Variants in SLC13A4 observed in about 807,000 individuals in gnomAD.
SLC13A4 encodes the protein solute carrier family 13 member 4, also known as Na(+)/sulfate cotransporter SUT-1.
SLC13A4 carries 28 observed loss-of-function variants against 72.7 expected under a neutral mutation model. The observed-to-expected ratio is 0.39, with a 90% CI of 0.29 to 0.53. SLC13A4 has a LOEUF of 0.53. Among genes scored for constraint, SLC13A4 ranks in the 20% least tolerant of loss-of-function variants. The probability of loss-of-function intolerance (pLI) is 0.78; values close to 1 mark genes in which losing one functional copy is unlikely to be tolerated. For synonymous variants in SLC13A4, 312 were observed against 325.5 expected (o/e 0.96, Z 0.45); for missense variants, 653 against 788.0 (o/e 0.83, Z 2.05).
chr7:135,708,149 C>A lies in SLC13A4; in HGVS notation c.330G>T (p.Leu110=), dbSNP rs1212738714. 1.2e-6 allele frequency: 2 copies of A among 1,614,212 alleles called. No individual in the cohort carries two copies. The highest frequency in any genetic ancestry group is 2.2e-5 in the South Asian group (2 of 91,082). ...TGGCTCCGGCCATCAAGACCATGCG[C>A]AGAGCAATGCGCTTATGCAGGTTCC... ...EKWNLHKRIA[L]RMVLMAGAKP... The change falls in exon 3 of 16, where the codon CTG becomes CTT. Residue 110 remains leucine, a synonymous_variant. Transcript: ENST00000682651.
chr7:135,700,626 G>A (rs187664336), intron 7 of SLC13A4, among the ~76,000 whole-genome samples: 74 of 152,268 alleles, frequency 4.9e-4, no homozygotes, highest in Non-Finnish European at 7.8e-4. Flanking sequence ...ACACAGAATA[G>A]TTTAAGTGTA....
intron 2 of SLC13A4, among the ~76,000 whole-genome samples, chr7:135,716,303 A>T (rs553387453): frequency 9.9e-5 from 15 of 152,158 alleles, no homozygotes; most frequent in Admixed American, 4.6e-4. Flanking sequence ...ATTAATTTTT[A>T]AAATTAAAAA....
intron 1 of SLC13A4, among the ~76,000 whole-genome samples, chr7:135,724,339 A>G (rs1444196904): frequency 6.6e-6 from 1 of 151,980 alleles, no homozygotes; most frequent in Non-Finnish European, 1.5e-5. Flanking sequence ...TATTAAAAAT[A>G]CAAAAAATTC....
At chr7:135,695,652 C>T (rs532497641) in intron 8 of SLC13A4, among the ~76,000 whole-genome samples, 165 bp from the exon 9 acceptor site, 1 of 152,032 alleles carries the variant, frequency 6.6e-6, no homozygotes, top group African/African-American at 2.4e-5. Context: ...TTGACAGTTG[C>T]AATTGTACAG....
In SLC13A4 at chr7:135,721,470, C is replaced by T. The variant is rs1338644916; in HGVS notation, c.153G>A (p.Glu51=). 3 of 1,614,148 alleles carry T rather than the reference C, an allele frequency of 1.9e-6. No individual in the cohort carries two copies. In the Admixed American group the frequency reaches 5.0e-5, roughly 27 times the overall value. Residue 51 remains glutamate (E), a synonymous_variant, in exon 2 of 16, where the codon GAG becomes GAA. Coordinates refer to ENST00000682651, the MANE Select transcript of SLC13A4 (RefSeq NM_001318192.2). The part of the protein sequence containing the change: ...LIVTAVYWVS[E]AVPLGAAALV... ...GGGCTGCAGCTCCCAGAGGCACTGC[C>T]TCCGACACCCAGTACACAGCAGTCA...
At chr7:135,719,799 G>GTGTGTGTA (rs1343683916) in intron 2 of SLC13A4, among the ~76,000 whole-genome samples, 1 of 139,160 alleles carries the variant, frequency 7.2e-6, no homozygotes, top group Admixed American at 6.8e-5. Flanking sequence ...GTGTGTGTGT[G>GTGTGTGTA]TGTATGTGTG....
chr7:135,719,807 G>A (rs57581343), intron 2 of SLC13A4, among the ~76,000 whole-genome samples: 65 of 128,370 alleles, frequency 5.1e-4, no homozygotes, highest in Admixed American at 1.8e-3. Context: ...GTGTGTATGT[G>A]TGTGTGTGTG....
intron 15 of SLC13A4, chr7:135,683,258 C>T (rs1584712236): frequency 1.7e-6 from 1 of 584,356 alleles, no homozygotes; most frequent in African/African-American, 2.3e-5. Flanking sequence ...GAGATCGCAC[C>T]ACTGAACTCC....
chr7:135,683,488 G>T (rs3110792), intron 15 of SLC13A4: 24 of 973,316 alleles, frequency 2.5e-5, no homozygotes, highest in Admixed American at 6.2e-5. Flanking sequence ...CTCCCCCCCC[G>T]CTCAGCCCTG....
At chr7:135,716,110 T>C (rs569558468) in intron 2 of SLC13A4, among the ~76,000 whole-genome samples, 29 of 152,232 alleles carry the variant, frequency 1.9e-4, no homozygotes, top group African/African-American at 7.0e-4. Flanking sequence ...CTGGTTCTGG[T>C]GTGACGCTTT....
intron 7 of SLC13A4, among the ~76,000 whole-genome samples, chr7:135,700,308 CA>C (rs1352284702): frequency 6.6e-6 from 1 of 152,176 alleles, no homozygotes; most frequent in Non-Finnish European, 1.5e-5. Flanking sequence ...ACTCTGGTCT[CA>C]AGTGTTTCCT....
At chr7:135,708,660 T>C (rs1399666395) in intron 2 of SLC13A4, among the ~76,000 whole-genome samples, 2 of 152,150 alleles carry the variant, frequency 1.3e-5, no homozygotes, top group Admixed American at 6.5e-5. Flanking sequence ...TTTTAGAAAA[T>C]ATTAGAAAAT....
At chr7:135,710,175 G>A (rs1342064711) in intron 2 of SLC13A4, among the ~76,000 whole-genome samples, 1 of 152,072 alleles carries the variant, frequency 6.6e-6, no homozygotes, top group Non-Finnish European at 1.5e-5. Context: ...AACAGGAAAG[G>A]AAATACATAG....
chr7:135,715,400 TGTGTATGAGTGTGTGTATGA>T (rs1796407623), intron 2 of SLC13A4, among the ~76,000 whole-genome samples: 1 of 133,304 alleles, frequency 7.5e-6, no homozygotes, highest in East Asian at 2.2e-4. Context: ...TGTGAACATG[TGTGTATGAGTGTGTGTATGA>T]GTGTGTGAGC....
chr7:135,727,962 A>G lies in SLC13A4; in HGVS notation c.-466T>C, dbSNP rs951706343. On this transcript the variant is annotated 5_prime_UTR_variant, in exon 1 of 16. Coordinates refer to ENST00000682651, the MANE Select transcript of SLC13A4 (RefSeq NM_001318192.2). ...TCAGTTTTCCTCCCTCGGATGACCT[A>G]TTTTGGGGAGTACCTGTTTCATCTC... is the stretch of plus-strand genomic sequence containing the variant. 6.5e-6 allele frequency: 1 copy of G among 152,830 alleles called. No homozygotes were observed. The highest frequency in any genetic ancestry group is 2.4e-5 in the African/African-American group (1 of 41,446). The allele number at this position is 152,830 out of a possible 1,614,324, so 9.5% of individuals were successfully genotyped here.
intron 2 of SLC13A4, among the ~76,000 whole-genome samples, chr7:135,710,506 G>T (rs1796275914): frequency 6.6e-6 from 1 of 152,038 alleles, no homozygotes; most frequent in African/African-American, 2.4e-5. Flanking sequence ...ATATCATATG[G>T]GAATGGAGCT....
intron 2 of SLC13A4, among the ~76,000 whole-genome samples, chr7:135,718,030 G>A (rs1766727400): frequency 1.3e-5 from 2 of 151,122 alleles, no homozygotes; most frequent in East Asian, 3.9e-4. Context: ...CAGCTCATGG[G>A]ATGTCTTAGC....
rs3112369 is a variant in SLC13A4, at chr7:135,727,525, T to C, written c.-29A>G. On this transcript the variant is annotated 5_prime_UTR_variant, in exon 1 of 16. Transcript: ENST00000682651. Reference sequence around the variant, plus strand: ...GCCTCTGTCCTCTCCAGCTCGTCCTTGGACCCCGCTCTGCCGGCGAAAGGC... The same window carrying C: ...GCCTCTGTCCTCTCCAGCTCGTCCTCGGACCCCGCTCTGCCGGCGAAAGGC... The C allele has an allele frequency of 0.62, 960,135 of 1,537,864 alleles. 301,633 individuals are homozygous for C. The highest frequency in any genetic ancestry group is 0.8 in the African/African-American group (58,219 of 72,920).
chr7:135,714,844 C>T (rs1490234219), intron 2 of SLC13A4, among the ~76,000 whole-genome samples: 1 of 152,218 alleles, frequency 6.6e-6, no homozygotes, highest in Non-Finnish European at 1.5e-5. Flanking sequence ...GTTATCCCAG[C>T]GGGCGCAGCC....
Sources: gnomAD v4.1 joint callset for allele counts (sites outside exome capture counted in the v4.1 genomes callset) on GRCh38, gnomAD v4.1.1 for gene constraint, MANE v1.5 for transcripts, NCBI Gene and HGNC (gene_info 2026-07-23, HGNC 2026-07-21) for gene names.